Variants in EYS observed in about 807,000 individuals in gnomAD.
The protein encoded by EYS is EGF-like photoreceptor maintenance factor.
In EYS, 250 loss-of-function variants were observed where a neutral mutation model predicts 282.1. That is an observed-to-expected ratio of 0.89 (90% CI 0.80 to 0.98). EYS has a LOEUF of 0.98. Ranked by LOEUF, EYS falls within the 50% of genes least tolerant of loss-of-function variation. The probability of loss-of-function intolerance (pLI) is 0.00; values close to 1 mark genes in which losing one functional copy is unlikely to be tolerated. For missense variants in EYS, 4,016 were observed against 3,709.0 expected, an observed-to-expected ratio of 1.08 and a Z score of -2.15; for synonymous variants, 1,355 against 1,282.9, an observed-to-expected ratio of 1.06 and a Z score of -1.20.
chr6:65,613,711 T>C (rs1243989416), intron 2 of EYS, among the ~76,000 whole-genome samples: 1 of 151,862 alleles, frequency 6.6e-6, no homozygotes, highest in Non-Finnish European at 1.5e-5. Context: ...AATGTAAGGA[T>C]CCAGGCAATT....
chr6:64,981,113 T>A (rs1770649011), intron 14 of EYS, among the ~76,000 whole-genome samples: 1 of 151,354 alleles, frequency 6.6e-6, no homozygotes, highest in Non-Finnish European at 1.5e-5. Flanking sequence ...TTCATTCCTA[T>A]ATCACATAAT....
chr6:64,861,302 G>A (rs750147577), intron 19 of EYS, among the ~76,000 whole-genome samples: 22 of 152,204 alleles, frequency 1.4e-4, no homozygotes, highest in Non-Finnish European at 2.4e-4. Context: ...CACACAGCTG[G>A]GTTGCAACAG....
intron 30 of EYS, among the ~76,000 whole-genome samples, chr6:64,268,656 G>A (rs1350634418): frequency 6.6e-6 from 1 of 152,128 alleles, no homozygotes; most frequent in Non-Finnish European, 1.5e-5. Context: ...ACAATACATA[G>A]CACTTGCTGA....
rs571217667 is a variant in EYS at position 64,998,824 on chromosome 6, T to G, written c.2138-1121A>C. Among the ~76,000 whole-genome samples the G allele has an allele frequency of 1.1e-4, 16 of 152,314 alleles. No homozygotes were observed. The East Asian group carries it at 1.7e-3, about 17-fold the overall frequency. On this transcript the variant is annotated intron_variant, in intron 13 of 42. Transcript: ENST00000503581. ...AAACCACATATTATACAATATATAA[T>G]TAAGACATTGTGGAGTGTCATCAAT...
At chr6:65,343,625 T>C (rs1260189848) in intron 10 of EYS, among the ~76,000 whole-genome samples, 1 of 151,222 alleles carries the variant, frequency 6.6e-6, no homozygotes, top group Non-Finnish European at 1.5e-5. Context: ...TTATTTATTT[T>C]ATTTTTTAAG....
intron 12 of EYS, among the ~76,000 whole-genome samples, chr6:65,075,138 A>T (rs1178913485): frequency 1.3e-5 from 2 of 152,024 alleles, no homozygotes; most frequent in African/African-American, 4.8e-5. Flanking sequence ...TGAGAACATG[A>T]GTTCTTAGTC....
At chr6:64,565,998 C>T (rs1765556454) in intron 26 of EYS, among the ~76,000 whole-genome samples, 1 of 147,622 alleles carries the variant, frequency 6.8e-6, no homozygotes, top group Admixed American at 6.8e-5. Context: ...CAAATTAGTG[C>T]AATATATATA....
chr6:64,431,719 C>T (rs1486940078), intron 28 of EYS, among the ~76,000 whole-genome samples: 1 of 152,156 alleles, frequency 6.6e-6, no homozygotes, highest in African/African-American at 2.4e-5. Flanking sequence ...TACAACCTGA[C>T]TACCACTGCA....
intron 12 of EYS, among the ~76,000 whole-genome samples, chr6:65,249,050 C>A: frequency 6.7e-6 from 1 of 148,594 alleles, no homozygotes; most frequent in Non-Finnish European, 1.5e-5. Context: ...AAAATGTGTC[C>A]TATAAAACTG....
chr6:64,871,010 C>A (rs1043699009), intron 19 of EYS, among the ~76,000 whole-genome samples: 1 of 151,826 alleles, frequency 6.6e-6, no homozygotes, highest in Non-Finnish European at 1.5e-5. Context: ...GGAAGGGACA[C>A]AGAGAATGCT....
chr6:65,619,109 T>C (rs1766355971), intron 2 of EYS, among the ~76,000 whole-genome samples: 2 of 151,854 alleles, frequency 1.3e-5, no homozygotes, highest in Admixed American at 1.3e-4. Flanking sequence ...GGTAGATTGA[T>C]TGGGATGGCA....
intron 12 of EYS, among the ~76,000 whole-genome samples, chr6:65,253,258 C>T (rs1767373048): frequency 6.6e-6 from 1 of 151,962 alleles, no homozygotes; most frequent in Non-Finnish European, 1.5e-5. Flanking sequence ...TATCTAGGCT[C>T]TAATCTATTC....
chr6:64,194,310 C>T (rs1208171919), intron 31 of EYS, among the ~76,000 whole-genome samples: 1 of 152,082 alleles, frequency 6.6e-6, no homozygotes, highest in East Asian at 1.9e-4. Flanking sequence ...CTGAGTTTGT[C>T]CTGCTATTTT....
At chr6:65,451,743 A>C (rs984368644) in intron 5 of EYS, among the ~76,000 whole-genome samples, 7 of 152,020 alleles carry the variant, frequency 4.6e-5, no homozygotes, top group African/African-American at 1.7e-4. Context: ...ACTTCTCATT[A>C]TAATTAGCAC....
intron 7 of EYS, among the ~76,000 whole-genome samples, chr6:65,397,099 G>A (rs891468678): frequency 1.3e-5 from 2 of 151,626 alleles, no homozygotes; most frequent in African/African-American, 2.4e-5. Flanking sequence ...AGTCTCAGTC[G>A]AAAACCTTCT....
chr6:64,235,086 ATT>A (rs11309412), intron 30 of EYS, among the ~76,000 whole-genome samples: 1 of 150,288 alleles, frequency 6.7e-6, no homozygotes, highest in Non-Finnish European at 1.5e-5. Flanking sequence ...TTTTATTTTT[ATT>A]TTTTTTAATT....
rs561325739 is a variant in EYS at position 64,017,451 on chromosome 6, G to A, written c.6726-18268C>T. ...GTCTGGTGAGGTCTCATAAAAATCA[G>A]GTAATGTCATATTATTCCATAGTTG... On this transcript the variant is annotated intron_variant, in intron 33 of 42. Coordinates refer to ENST00000503581, the MANE Select transcript of EYS (RefSeq NM_001142800.2). Among the ~76,000 whole-genome samples the A allele has an allele frequency of 2.6e-5, 4 of 152,218 alleles. No homozygotes were observed. In the South Asian group the frequency reaches 8.3e-4, roughly 32 times the overall value.
At chr6:64,286,423 T>C (rs529089628) in intron 30 of EYS, among the ~76,000 whole-genome samples, 5 of 152,186 alleles carry the variant, frequency 3.3e-5, no homozygotes, top group Non-Finnish European at 5.9e-5. Context: ...ACAGAGTCAA[T>C]TGAGAGTTAG....
intron 1 of EYS, among the ~76,000 whole-genome samples, chr6:65,646,561 A>C (rs1767457295): frequency 6.6e-6 from 1 of 152,194 alleles, no homozygotes; most frequent in Non-Finnish European, 1.5e-5. Context: ...ACCCACAGCC[A>C]ACATTATACT....
Sources: gnomAD v4.1 joint callset for allele counts (sites outside exome capture counted in the v4.1 genomes callset) on GRCh38, gnomAD v4.1.1 for gene constraint, MANE v1.5 for transcripts, NCBI Gene and HGNC (gene_info 2026-07-23, HGNC 2026-07-21) for gene names.